PITPNM3: variants seen among roughly 807,000 people sequenced by gnomAD.
PITPNM3 encodes PITPNM family member 3.
A neutral mutation model predicts 102.0 loss-of-function variants in PITPNM3; 26 were observed. The observed-to-expected ratio is 0.25, with a 90% confidence interval of 0.19 to 0.35. The LOEUF (loss-of-function observed/expected upper bound fraction) is 0.35, where lower values mean the gene tolerates loss of function less well. Ranked by LOEUF, PITPNM3 falls within the 10% of genes least tolerant of loss-of-function variation. The probability of loss-of-function intolerance (pLI) is 1.00; values close to 1 mark genes in which losing one functional copy is unlikely to be tolerated. For missense variants in PITPNM3, 1,083 were observed against 1,346.1 expected (o/e 0.80, Z 3.06); for synonymous variants, 578 against 558.6 (o/e 1.03, Z -0.49).
chr17:6,524,848 CA>C (rs1289457168), intron 3 of PITPNM3, among the ~76,000 whole-genome samples: 1 of 152,184 alleles, frequency 6.6e-6, no homozygotes, highest in African/African-American at 2.4e-5. Flanking sequence ...GTAGGCTGAT[CA>C]AACTCCTGGT....
intron 14 of PITPNM3, among the ~76,000 whole-genome samples, chr17:6,466,798 C>T (rs1311246202): frequency 6.6e-6 from 1 of 152,104 alleles, no homozygotes; most frequent in Non-Finnish European, 1.5e-5. Context: ...AAAACTTATA[C>T]ATGGACGTTC....
intron 5 of PITPNM3, 95 bp from the exon 6 acceptor site, chr17:6,483,847 A>C (rs577669098): frequency 2.8e-6 from 3 of 1,052,950 alleles, no homozygotes; most frequent in Non-Finnish European, 2.9e-6. Context: ...ATACACACAC[A>C]CTCACACACA....
intron 9 of PITPNM3, among the ~76,000 whole-genome samples, chr17:6,475,525 C>T (rs899081220): frequency 1.3e-5 from 2 of 152,206 alleles, no homozygotes; most frequent in Non-Finnish European, 2.9e-5. Context: ...CAGGAGTGAG[C>T]GAGTCTGCAA....
At chr17:6,492,215 C>T (rs868399502) in intron 4 of PITPNM3, among the ~76,000 whole-genome samples, 7 of 151,860 alleles carry the variant, frequency 4.6e-5, no homozygotes, top group Non-Finnish European at 7.4e-5. Context: ...AGGCGCCCCC[C>T]CACCATGCCC....
At chr17:6,540,292 G>C (rs1309991056) in intron 1 of PITPNM3, among the ~76,000 whole-genome samples, 1 of 152,220 alleles carries the variant, frequency 6.6e-6, no homozygotes, top group East Asian at 1.9e-4. Flanking sequence ...ACATTCTGCA[G>C]GCGGGGAAGG....
At chr17:6,527,280 T>C (rs536671840) in intron 2 of PITPNM3, among the ~76,000 whole-genome samples, 233 of 152,328 alleles carry the variant, frequency 1.5e-3, no homozygotes, top group African/African-American at 5.5e-3. Context: ...CATGTTAGAT[T>C]GATTTTTTTC....
At chr17:6,496,860 G>A (rs1051414528) in intron 4 of PITPNM3, among the ~76,000 whole-genome samples, 39 of 152,076 alleles carry the variant, frequency 2.6e-4, no homozygotes, top group African/African-American at 8.7e-4. Context: ...GCACAGAGAC[G>A]CACACTCATC....
intron 3 of PITPNM3, among the ~76,000 whole-genome samples, chr17:6,524,262 G>C (rs562989095): frequency 1.3e-5 from 2 of 152,162 alleles, no homozygotes; most frequent in South Asian, 4.1e-4. Context: ...GCCAGAGCAC[G>C]ACTGCGAATG....
chr17:6,530,291 G>C (rs1315314787), intron 2 of PITPNM3, among the ~76,000 whole-genome samples: 1 of 152,230 alleles, frequency 6.6e-6, no homozygotes, highest in African/African-American at 2.4e-5. Flanking sequence ...AAATGAGAAG[G>C]CTTGGCATGT....
intron 2 of PITPNM3, among the ~76,000 whole-genome samples, chr17:6,536,282 C>T (rs1909425481): frequency 1.3e-5 from 2 of 152,184 alleles, no homozygotes; most frequent in African/African-American, 2.4e-5. Context: ...GAGCAGGGCC[C>T]GAAGGGATAG....
chr17:6,465,129 C>T (rs1490044560), intron 14 of PITPNM3, among the ~76,000 whole-genome samples: 3 of 152,154 alleles, frequency 2.0e-5, no homozygotes, highest in African/African-American at 7.2e-5. Context: ...CTCGGCTCAC[C>T]GCAACCTCCC....
At chr17:6,527,375 T>A (rs532033627) in intron 2 of PITPNM3, among the ~76,000 whole-genome samples, 1 of 152,260 alleles carries the variant, frequency 6.6e-6, no homozygotes, top group Non-Finnish European at 1.5e-5. Context: ...TGTCATTGGA[T>A]TGTTGTGAGC....
Position 6,468,335 on chromosome 17 carries a change from G to T in PITPNM3, c.1780C>A (p.Arg594Ser). 6.2e-7 allele frequency: 1 copy of T among 1,614,042 alleles called. No homozygotes were observed. The highest frequency in any genetic ancestry group is 8.5e-7 in the Non-Finnish European group (1 of 1,179,978). Residue 594 changes from arginine (R) to serine (S), a missense_variant, in exon 14 of 20, where the codon CGC (arginine) becomes AGC (serine). By Grantham distance (110) the Arg-to-Ser change is moderately radical. Coordinates refer to ENST00000262483, the MANE Select transcript of PITPNM3 (RefSeq NM_031220.4). This position sits in a 1 kb window ranked among gnomAD's most constrained non-coding sequence, Gnocchi z 5.2. ...VVAFILRQVM[R>S]YESVNIKESA... ...TCCTTGATGTTCACGCTCTCATAGCGCATTACCTAGCCAAGAGCCGAGCAG... is the reference window on the plus strand; with the variant it reads ...TCCTTGATGTTCACGCTCTCATAGCTCATTACCTAGCCAAGAGCCGAGCAG...
intron 2 of PITPNM3, among the ~76,000 whole-genome samples, chr17:6,536,766 T>C (rs902318701): frequency 1.3e-5 from 2 of 152,218 alleles, no homozygotes; most frequent in Non-Finnish European, 2.9e-5. Context: ...AGTCTGTTTC[T>C]CTTCCAAGAC....
At chr17:6,549,633 C>T (rs1264820308) in intron 1 of PITPNM3, among the ~76,000 whole-genome samples, 1 of 152,208 alleles carries the variant, frequency 6.6e-6, no homozygotes, top group African/African-American at 2.4e-5. Flanking sequence ...ACTCACTAAG[C>T]CTCCTATTCC....
At chr17:6,542,679 G>A (rs1909795516) in intron 1 of PITPNM3, among the ~76,000 whole-genome samples, 1 of 152,188 alleles carries the variant, frequency 6.6e-6, no homozygotes, top group African/African-American at 2.4e-5. Context: ...CCCCCAGAGC[G>A]TCTAGCCCAC....
chr17:6,534,680 C>T (rs1428186597), intron 2 of PITPNM3, among the ~76,000 whole-genome samples: 1 of 152,176 alleles, frequency 6.6e-6, no homozygotes, highest in East Asian at 1.9e-4. Flanking sequence ...GAAGGAGATA[C>T]ACTGTTCCCA....
At chr17:6,553,926 C>T (rs1910454907) in intron 1 of PITPNM3, among the ~76,000 whole-genome samples, 1 of 152,132 alleles carries the variant, frequency 6.6e-6, no homozygotes, top group Non-Finnish European at 1.5e-5. Flanking sequence ...CTGAAGCTCA[C>T]CAATCTATTC....
In PITPNM3 at chr17:6,556,516, C is replaced by G. The variant is rs1910625897; in HGVS notation, c.-110G>C. ...ACTCCGAGCGCCGCGCCCGCGCCCC[C>G]GCCCCGCTCGCCTCGGCTGCCGCCA... On this transcript the variant is annotated 5_prime_UTR_variant, in exon 1 of 20. Transcript: ENST00000262483. This position sits in a 1 kb window ranked among gnomAD's most constrained non-coding sequence, Gnocchi z 5.2. 1.4e-6 allele frequency: 1 copy of G among 716,796 alleles called. No homozygotes were observed. Among genetic ancestry groups the G allele is most frequent in the Non-Finnish European group, 1.7e-6 (1 of 584,312 alleles). The allele number at this position is 716,796 out of a possible 1,614,324, so 44.4% of individuals were successfully genotyped here. A position where few individuals can be genotyped will look rare whatever the true frequency, so the allele number is the denominator to read the frequency against.
Sources: gnomAD v4.1 joint callset for allele counts (sites outside exome capture counted in the v4.1 genomes callset) on GRCh38, gnomAD v4.1.1 for gene constraint, Gnocchi (gnomAD v3.1) non-coding constraint, MANE v1.5 for transcripts, NCBI Gene and HGNC (gene_info 2026-07-23, HGNC 2026-07-21) for gene names.